SHC3: variants seen among roughly 807,000 people sequenced by gnomAD.
SHC3 encodes the protein SHC-transforming protein 3.
Under a neutral mutation model 60.4 loss-of-function variants are expected in SHC3, and 15 were observed. That is an observed-to-expected ratio of 0.25 (90% CI 0.17 to 0.38). The LOEUF (loss-of-function observed/expected upper bound fraction) is 0.38. Ranked by LOEUF, SHC3 falls within the 10% of genes least tolerant of loss-of-function variation. SHC3 has a pLI of 1.00. For missense variants in SHC3, 677 were observed against 786.1 expected (o/e 0.86, Z 1.66); for synonymous variants, 294 against 325.9 (o/e 0.90, Z 1.05).
At chr9:89,109,723 C>A (rs2118105565) in intron 2 of SHC3, 3 of 985,500 alleles carry the variant, frequency 3.0e-6, no homozygotes, top group Non-Finnish European at 3.6e-6. Context: ...TCACCAACAT[C>A]TTCAGGCATC....
At position 89,112,534 on chromosome 9, in the gene SHC3, G is replaced by A. The variant is rs181202572; in HGVS notation, c.545+22C>T. 313 of 1,602,996 alleles carry A rather than the reference G, an allele frequency of 2.0e-4. No homozygotes were observed. The Middle Eastern group carries it at 4.5e-3, about 23-fold the overall frequency. On this transcript the variant is annotated intron_variant, in intron 2 of 11. Coordinates refer to ENST00000375835, the MANE Select transcript of SHC3 (RefSeq NM_016848.6). ...TTCCTTCAGAAGTAAAATCACAGGA[G>A]TCCATTTTCAAGAGGGCTTACCTGG...
intron 1 of SHC3, among the ~76,000 whole-genome samples, chr9:89,131,189 C>A (rs530414715): frequency 6.6e-6 from 1 of 151,996 alleles, no homozygotes; most frequent in Non-Finnish European, 1.5e-5. Context: ...ACACATACAC[C>A]CTCCCAAGAC....
At chr9:89,143,323 C>A (rs1826422186) in intron 1 of SHC3, among the ~76,000 whole-genome samples, 1 of 152,008 alleles carries the variant, frequency 6.6e-6, no homozygotes, top group Non-Finnish European at 1.5e-5. Flanking sequence ...ACTCTCATTG[C>A]CATCTTGGTT....
In SHC3 at chr9:89,011,227, T is replaced by C. The variant is rs748218452; in HGVS notation, c.*2220A>G. On this transcript the variant is annotated 3_prime_UTR_variant, in exon 12 of 12. Coordinates refer to ENST00000375835, the MANE Select transcript of SHC3 (RefSeq NM_016848.6). Reference sequence around the variant, plus strand: ...TCTAAATTGATTCTCATGCAAAAAATATATATATTTTCTATCACCATCGAA... The same window carrying C: ...TCTAAATTGATTCTCATGCAAAAAACATATATATTTTCTATCACCATCGAA... 1 of 152,184 alleles carries C rather than the reference T, an allele frequency of 6.6e-6. No individual in the cohort carries two copies. The highest frequency in any genetic ancestry group is 1.5e-5 in the Non-Finnish European group (1 of 68,042). 9.4% of individuals were successfully genotyped at this position (152,184 alleles called of 1,614,324 possible). A position where few individuals can be genotyped will look rare whatever the true frequency, so the allele number is the denominator to read the frequency against.
At chr9:89,172,811 C>G (rs996754144) in intron 1 of SHC3, among the ~76,000 whole-genome samples, 21 of 152,208 alleles carry the variant, frequency 1.4e-4, no homozygotes, top group Admixed American at 1.4e-3. Context: ...AAATAATTCA[C>G]TAACTCTACT....
chr9:89,147,672 G>T (rs964134099), intron 1 of SHC3, among the ~76,000 whole-genome samples: 1 of 151,966 alleles, frequency 6.6e-6, no homozygotes, highest in African/African-American at 2.4e-5. Flanking sequence ...CAGTTTGCAC[G>T]ATGCCTTTTT....
intron 11 of SHC3, among the ~76,000 whole-genome samples, chr9:89,028,576 AT>A (rs1421151116): frequency 6.8e-6 from 1 of 147,368 alleles, no homozygotes; most frequent in Non-Finnish European, 1.5e-5. Context: ...AGATATAGAT[AT>A]ATATTACACA....
chr9:89,163,668 G>A (rs529872921), intron 1 of SHC3, among the ~76,000 whole-genome samples: 166 of 149,922 alleles, frequency 1.1e-3, no homozygotes, highest in African/African-American at 4.0e-3. Flanking sequence ...TGGGTGCAGC[G>A]CACCAGCATG....
At chr9:89,099,264 T>A (rs985469121) in intron 2 of SHC3, among the ~76,000 whole-genome samples, 1 of 152,218 alleles carries the variant, frequency 6.6e-6, no homozygotes, top group Admixed American at 6.5e-5. Flanking sequence ...TCTTTTAGAC[T>A]TGCTAATGCA....
chr9:89,087,011 C>T (rs922183969), intron 2 of SHC3, among the ~76,000 whole-genome samples: 2 of 152,078 alleles, frequency 1.3e-5, no homozygotes, highest in Non-Finnish European at 2.9e-5. Flanking sequence ...GGTGATTGCA[C>T]GTCCTCCTCA....
At chr9:89,046,708 A>G (rs1458073853) in intron 8 of SHC3, 136 bp downstream of exon 8, 3 of 1,051,092 alleles carry the variant, frequency 2.9e-6, no homozygotes, top group Non-Finnish European at 3.9e-6. Flanking sequence ...CATGAAATCC[A>G]GTGAGAGAAA....
chr9:89,135,355 A>C (rs1039404470), intron 1 of SHC3, among the ~76,000 whole-genome samples: 2 of 152,134 alleles, frequency 1.3e-5, no homozygotes, highest in African/African-American at 4.8e-5. Context: ...TCAAAAGAAG[A>C]AGCATTTATT....
chr9:89,085,631 A>G (rs1221639410), intron 2 of SHC3, among the ~76,000 whole-genome samples: 1 of 152,216 alleles, frequency 6.6e-6, no homozygotes, highest in East Asian at 1.9e-4. Flanking sequence ...CATTTTCTCC[A>G]TAATTGTTCC....
intron 11 of SHC3, among the ~76,000 whole-genome samples, chr9:89,018,695 C>CTTT (rs745625210): frequency 3.0e-5 from 4 of 135,326 alleles, no homozygotes; most frequent in Admixed American, 1.5e-4. Context: ...TTCTTTCTTT[C>CTTT]TTTCTTTTTT....
intron 2 of SHC3, among the ~76,000 whole-genome samples, chr9:89,097,266 T>A (rs1047313158): frequency 2.6e-5 from 4 of 152,186 alleles, no homozygotes; most frequent in Non-Finnish European, 4.4e-5. Flanking sequence ...CATTGGCCAA[T>A]TTAATTTAAT....
intron 9 of SHC3, 62 bp downstream of exon 9, chr9:89,045,684 T>C: frequency 1.3e-6 from 2 of 1,485,792 alleles, no homozygotes; most frequent in Middle Eastern, 1.7e-4. Flanking sequence ...GACCCAGTGG[T>C]GAGCATGTTA....
rs1824615029 is a variant in SHC3 at position 89,038,163 on chromosome 9, C to T, written c.1486G>A (p.Ala496Thr). 2 of 1,614,048 alleles carry T rather than the reference C, an allele frequency of 1.2e-6. No individual in the cohort carries two copies. The highest frequency in any genetic ancestry group is 4.5e-5 in the East Asian group (2 of 44,872). ...ATCTCTCCTTGGTACCAAGTCTCGG[C>T]TTGCAGTTCCTCCAGCATCTTGGCA... ...PDAKMLEELQ[A>T]ETWYQGEMSR... The change falls in exon 11 of 12, where the codon GCC becomes ACC. Residue 496 changes from alanine (A) to threonine (T), a missense_variant. Transcript: ENST00000375835.
intron 2 of SHC3, among the ~76,000 whole-genome samples, chr9:89,101,497 T>C (rs1825782164): frequency 6.6e-6 from 1 of 152,098 alleles, no homozygotes; most frequent in African/African-American, 2.4e-5. Flanking sequence ...GTGGATGCCC[T>C]GTTATCAGAT....
chr9:89,173,698 T>C (rs1826903144), intron 1 of SHC3, among the ~76,000 whole-genome samples: 1 of 151,940 alleles, frequency 6.6e-6, no homozygotes, highest in South Asian at 2.1e-4. Context: ...GTGCATGGTG[T>C]GTATGTGCAT....
Sources: allele counts gnomAD v4.1 joint callset (sites outside exome capture counted in the v4.1 genomes callset), GRCh38; gene constraint gnomAD v4.1.1; transcripts MANE v1.5; gene names NCBI Gene and HGNC (gene_info 2026-07-23, HGNC 2026-07-21).